Variants in DROSHA observed in about 807,000 individuals in gnomAD.
DROSHA encodes the protein drosha ribonuclease III.
Under a neutral mutation model 181.9 loss-of-function variants are expected in DROSHA, and 56 were observed. The observed-to-expected ratio is 0.31, with a 90% CI of 0.25 to 0.38. The LOEUF (loss-of-function observed/expected upper bound fraction) is 0.38, where lower values mean the gene tolerates loss of function less well. Among genes scored for constraint, DROSHA ranks in the 10% least tolerant of loss-of-function variants. The pLI, the probability that DROSHA is intolerant of heterozygous loss-of-function variation, is 1.00. For synonymous variants in DROSHA, 524 were observed against 591.2 expected (o/e 0.89, Z 1.65); for missense variants, 1,218 against 1,743.5 (o/e 0.70, Z 5.37).
rs577062109 is a variant in DROSHA at position 31,411,799 on chromosome 5, G to C, written c.3526-912C>G. On this transcript the variant is annotated intron_variant, in intron 30 of 35. Coordinates refer to ENST00000344624, the MANE Select transcript of DROSHA (RefSeq NM_001382508.1). The surrounding 1 kb of genome is among the most constrained non-coding windows in gnomAD (Gnocchi z 4.2). Reference sequence around the variant, plus strand: ...CTGCCAACATGCCCAGCTAATTTTTGTATTTTTTGTAGAGACAGGGTTTCA... The same window carrying C: ...CTGCCAACATGCCCAGCTAATTTTTCTATTTTTTGTAGAGACAGGGTTTCA... 3.9e-5 allele frequency among the ~76,000 whole-genome samples: 6 copies of C among 151,954 alleles called. No homozygotes were observed. Among genetic ancestry groups the C allele is most frequent in the Admixed American group, 3.9e-4 (6 of 15,252 alleles).
chr5:31,448,552 G>C lies in DROSHA; in HGVS notation c.2877C>G (p.Pro959=). The part of the protein sequence containing the change: ...MSRLGQDDPT[P]SRINHNERLE... ...TTATTAAAAATCAACTTTACCTCGAGGGAGTTGGGTCATCTTGGCCAAGGC... is the reference window on the plus strand; with the variant it reads ...TTATTAAAAATCAACTTTACCTCGACGGAGTTGGGTCATCTTGGCCAAGGC... The change falls in exon 23 of 36, where the codon CCC becomes CCG. Residue 959 remains proline, a synonymous_variant. Coordinates refer to ENST00000344624, the MANE Select transcript of DROSHA (RefSeq NM_001382508.1). 1 of 1,613,150 alleles carries C rather than the reference G, an allele frequency of 6.2e-7. No homozygotes were observed. The highest frequency in any genetic ancestry group is 8.5e-7 in the Non-Finnish European group (1 of 1,179,248).
At chr5:31,479,396 T>C (rs1000400733) in intron 16 of DROSHA, among the ~76,000 whole-genome samples, 4 of 152,184 alleles carry the variant, frequency 2.6e-5, no homozygotes, top group South Asian at 4.1e-4. Context: ...TTCTTTTCAA[T>C]AAATGGTGCT....
chr5:31,526,121 C>T lies in DROSHA; in HGVS notation c.812G>A (p.Arg271Gln), dbSNP rs372705339. ...QDSRYRSDYD[R>Q]GRTPSRHRSY... is the part of the protein sequence containing the mutation. ...GCGGTGGCGAGATGGTGTTCTCCCT[C>T]GGTCATAATCAGATCTGTACCGGCT... The change falls in exon 5 of 36, where the codon CGA (arginine) becomes CAA (glutamine). Residue 271 changes from arginine to glutamine, a missense_variant. This residue lies in a region of DROSHA where 536 missense variants were observed against 535.4 expected (regional missense o/e 1.00). Coordinates refer to ENST00000344624, the MANE Select transcript of DROSHA (RefSeq NM_001382508.1). 3.2e-5 allele frequency: 52 copies of T among 1,604,678 alleles called. No individual in the cohort carries two copies. Among genetic ancestry groups the T allele is most frequent in the Admixed American group, 1.2e-4 (7 of 59,752 alleles).
intron 30 of DROSHA, among the ~76,000 whole-genome samples, chr5:31,415,277 G>A (rs1193820165): frequency 6.6e-6 from 1 of 152,120 alleles, no homozygotes; most frequent in African/African-American, 2.4e-5. Context: ...ATAAGAACAC[G>A]GGGTGAAAGC....
chr5:31,456,104 G>C (rs77258503), intron 20 of DROSHA, among the ~76,000 whole-genome samples: 1 of 152,086 alleles, frequency 6.6e-6, no homozygotes, highest in Admixed American at 6.6e-5. Flanking sequence ...AGAAACTCAA[G>C]GACCACTGTT....
Position 31,410,847 on chromosome 5 carries a change from T to C in DROSHA, c.3566A>G (p.Lys1189Arg). 1 of 1,613,976 alleles carries C rather than the reference T, an allele frequency of 6.2e-7. No homozygotes were observed. Among genetic ancestry groups the C allele is most frequent in the Non-Finnish European group, 8.5e-7 (1 of 1,179,820 alleles). ...SSLVNNRTQAKVAEELGMQEY... is the reference protein window; with the variant it reads ...SSLVNNRTQARVAEELGMQEY... ...CTGCATGCCCAGCTCCTCCGCTACCTTGGCCTGAGTTCTATTATTCACCAA... is the reference window on the plus strand; with the variant it reads ...CTGCATGCCCAGCTCCTCCGCTACCCTGGCCTGAGTTCTATTATTCACCAA... Residue 1189 changes from lysine (K) to arginine (R), a missense_variant, in exon 31 of 36, where the codon AAG becomes AGG. Around this residue, in one of 8 missense-constraint regions of DROSHA, gnomAD observed 23 missense variants for 90.6 expected, o/e 0.25. Transcript: ENST00000344624.
intron 16 of DROSHA, among the ~76,000 whole-genome samples, chr5:31,482,280 T>C (rs538004463): frequency 2.0e-5 from 3 of 152,110 alleles, no homozygotes; most frequent in Non-Finnish European, 4.4e-5. Flanking sequence ...GGCAAGCAGT[T>C]GGATTGATGA....
intron 21 of DROSHA, 104 bp downstream of exon 21, chr5:31,451,429 C>T (rs1398098791): frequency 2.1e-6 from 2 of 960,376 alleles, no homozygotes; most frequent in African/African-American, 1.6e-5. Context: ...TCTAACAATC[C>T]TTGTCACATC....
At chr5:31,502,033 C>A (rs574994314) in intron 11 of DROSHA, among the ~76,000 whole-genome samples, 5 of 152,220 alleles carry the variant, frequency 3.3e-5, no homozygotes, top group African/African-American at 1.2e-4. Flanking sequence ...CAAGACATCC[C>A]CTCCAAAGTA....
At chr5:31,437,153 T>G in intron 24 of DROSHA, 86 bp downstream of exon 24, 3 of 1,387,538 alleles carry the variant, frequency 2.2e-6, no homozygotes, top group Non-Finnish European at 3.0e-6. Flanking sequence ...CTTATTTGGC[T>G]AATTACAAAG....
chr5:31,431,366 C>CAAAAAAAAAAAAAAAAAAAAAAA (rs58316191), intron 26 of DROSHA, among the ~76,000 whole-genome samples: 1 of 57,648 alleles, frequency 1.7e-5, no homozygotes, highest in African/African-American at 6.7e-5. Context: ...CAGTAGAATG[C>CAAAAAAAAAAAAAAAAAAAAAAA]AAAAAAAAAA....
chr5:31,421,442 A>C, intron 29 of DROSHA, 65 bp from the exon 30 acceptor site: 1 of 1,299,726 alleles, frequency 7.7e-7, no homozygotes. Context: ...AAAAACACCC[A>C]GAATTTTAAA....
Position 31,431,609 on chromosome 5 carries a change from G to A in DROSHA, c.3112C>T (p.His1038Tyr). Residue 1038 changes from histidine to tyrosine, a missense_variant, in exon 26 of 36, where the codon CAT (histidine) becomes TAT (tyrosine). His to Tyr is a moderately conservative substitution (Grantham distance 83). Around this residue, in one of 8 missense-constraint regions of DROSHA, gnomAD observed 71 missense variants for 95.2 expected, o/e 0.75. Coordinates refer to ENST00000344624, the MANE Select transcript of DROSHA (RefSeq NM_001382508.1). ...PDLCRESDLR[H>Y]AMANCFEALI... ...GCTTCAAAACAATTGGCCATTGCAT[G>A]TCGAAGGTCCGATTCTCTACAAAGG... 1 of 1,613,936 alleles carries A rather than the reference G, an allele frequency of 6.2e-7. No homozygotes were observed. The highest frequency in any genetic ancestry group is 8.5e-7 in the Non-Finnish European group (1 of 1,179,860).
intron 21 of DROSHA, among the ~76,000 whole-genome samples, chr5:31,449,680 T>A (rs1746730361): frequency 6.6e-6 from 1 of 152,072 alleles, no homozygotes; most frequent in Admixed American, 6.5e-5. Context: ...TGAGCTATGA[T>A]CATGCCACTG....
At chr5:31,495,436 A>G (rs1365056659) in intron 11 of DROSHA, 64 bp from the exon 12 acceptor site, 1 of 1,437,128 alleles carries the variant, frequency 7.0e-7, no homozygotes, top group Non-Finnish European at 9.6e-7. Context: ...TTAAAAATAT[A>G]TTGTATTTCC....
chr5:31,432,958 A>G (rs1171324196), intron 25 of DROSHA, among the ~76,000 whole-genome samples: 1 of 152,258 alleles, frequency 6.6e-6, no homozygotes. Flanking sequence ...CATAAAAAAG[A>G]AAGCTACAAA....
At chr5:31,472,308 G>A in intron 16 of DROSHA, 76 bp from the exon 17 acceptor site, 50 of 1,431,910 alleles carry the variant, frequency 3.5e-5, no homozygotes, top group South Asian at 2.2e-4. Flanking sequence ...AACTGAATAA[G>A]GAAAAAAACA....
chr5:31,418,478 A>T (rs12656352), intron 30 of DROSHA, among the ~76,000 whole-genome samples: 9,662 of 152,042 alleles, frequency 0.064, 366 homozygotes, highest in East Asian at 0.17. Context: ...TATGTTGCAC[A>T]GGCTGGTCTT....
chr5:31,471,687 C>T (rs1027166654), intron 17 of DROSHA, among the ~76,000 whole-genome samples: 1 of 152,026 alleles, frequency 6.6e-6, no homozygotes, highest in African/African-American at 2.4e-5. Flanking sequence ...CAAAACTGAA[C>T]TAAGACATTT....
Sources: gnomAD v4.1 joint callset for allele counts (sites outside exome capture counted in the v4.1 genomes callset) on GRCh38, gnomAD v4.1.1 for gene constraint, gnomAD v4.1.1 regional missense constraint, Gnocchi (gnomAD v3.1) non-coding constraint, MANE v1.5 for transcripts, NCBI Gene and HGNC (gene_info 2026-07-23, HGNC 2026-07-21) for gene names.